TNFRSF10D: variants seen among roughly 807,000 people sequenced by gnomAD.
TNFRSF10D encodes the protein tumor necrosis factor receptor superfamily member 10D.
In TNFRSF10D, 28 loss-of-function variants were observed where a neutral mutation model predicts 42.1. The observed-to-expected ratio is 0.66, with a 90% confidence interval of 0.49 to 0.91. The LOEUF is 0.91. Among genes scored for constraint, TNFRSF10D ranks in the 40% least tolerant of loss-of-function variants. The probability of loss-of-function intolerance (pLI) is 0.00; values close to 1 mark genes in which losing one functional copy is unlikely to be tolerated. For missense variants in TNFRSF10D, 503 were observed against 486.1 expected (o/e 1.03, Z -0.33); for synonymous variants, 186 against 189.4 (o/e 0.98, Z 0.15).
intron 7 of TNFRSF10D, among the ~76,000 whole-genome samples, chr8:23,139,768 T>C (rs1814411476): frequency 6.6e-6 from 1 of 152,164 alleles, no homozygotes; most frequent in African/African-American, 2.4e-5. Context: ...ATTCTATACC[T>C]TGGAAACCCT....
At chr8:23,144,923 C>A in intron 6 of TNFRSF10D, 135 bp downstream of exon 6, 1 of 1,361,578 alleles carries the variant, frequency 7.3e-7, no homozygotes. Context: ...CCACAGTCAG[C>A]CCAGATCCCC....
rs540402415 is a variant in TNFRSF10D, at chr8:23,155,738, CAT to C, written c.151-761_151-760del. 5.9e-5 allele frequency among the ~76,000 whole-genome samples: 9 copies of C among 151,672 alleles called. No individual in the cohort carries two copies. The South Asian group carries it at 8.3e-4, about 14-fold the overall frequency. ...AAAAACAAAAAACAAAAAAACCACA[CAT>C]ATGAGCCCTTCAAGCAGAAATAGCA... is the stretch of plus-strand genomic sequence containing the variant. On this transcript the variant is annotated intron_variant, in intron 1 of 8. Transcript: ENST00000312584.
At chr8:23,141,437 G>C (rs764462054) in intron 7 of TNFRSF10D, among the ~76,000 whole-genome samples, 1 of 151,910 alleles carries the variant, frequency 6.6e-6, no homozygotes, top group South Asian at 2.1e-4. Context: ...CCCGGGAGGC[G>C]GAGGTTGCAG....
chr8:23,159,199 CT>C (rs1381561027), intron 1 of TNFRSF10D, among the ~76,000 whole-genome samples: 881 of 152,094 alleles, frequency 5.8e-3, no homozygotes, highest in African/African-American at 0.018. Context: ...CTCCTGGGCT[CT>C]AAGGATGCAC....
In TNFRSF10D at chr8:23,135,595, T is replaced by C. The variant is rs34941234; in HGVS notation, c.*2275A>G. ...ATAAACGAACACCACACCTTTTTAA[T>C]ATGAGGTTTCATATTTATTTTGGTC... On this transcript the variant is annotated 3_prime_UTR_variant, in exon 9 of 9. Transcript: ENST00000312584. 0.1 allele frequency: 19,546 copies of C among 189,462 alleles called. 1,228 individuals are homozygous for C. Among genetic ancestry groups the C allele is most frequent in the Admixed American group, 0.18 (2,997 of 17,026 alleles). The allele number at this position is 189,462 out of a possible 1,614,324, so 11.7% of individuals were successfully genotyped here. A position where few individuals can be genotyped will look rare whatever the true frequency, so the allele number is the denominator to read the frequency against.
At chr8:23,151,190 T>A (rs1161408415) in intron 2 of TNFRSF10D, among the ~76,000 whole-genome samples, 1 of 151,974 alleles carries the variant, frequency 6.6e-6, no homozygotes, top group African/African-American at 2.4e-5. Context: ...GGAACCCCTA[T>A]AAAACTACCA....
chr8:23,146,855 T>TCA (rs1018678551), intron 4 of TNFRSF10D, 106 bp downstream of exon 4: 2 of 966,574 alleles, frequency 2.1e-6, no homozygotes, highest in African/African-American at 3.4e-5. Flanking sequence ...CAGGGAGGCC[T>TCA]CGGGCCTGGA....
intron 1 of TNFRSF10D, among the ~76,000 whole-genome samples, chr8:23,161,045 G>A (rs1364226240): frequency 6.6e-6 from 1 of 152,266 alleles, no homozygotes; most frequent in African/African-American, 2.4e-5. Flanking sequence ...AGGAACAGGT[G>A]CAGCCTCTGC....
intron 8 of TNFRSF10D, 41 bp from the exon 9 acceptor site, chr8:23,138,044 G>A (rs766985097): frequency 6.2e-7 from 1 of 1,612,376 alleles, no homozygotes; most frequent in Non-Finnish European, 8.5e-7. Context: ...ATGCTCCAAG[G>A]ACGATCAGCA....
At position 23,143,095 on chromosome 8, in the gene TNFRSF10D, GCCTCCC is replaced by G. The variant is rs1347617683; in HGVS notation, c.954+1349_954+1354del. Among the ~76,000 whole-genome samples the G allele has an allele frequency of 9.7e-4, 147 of 152,106 alleles. 2 individuals carry two copies. The highest frequency in any genetic ancestry group is 4.1e-3 in the Admixed American group (62 of 15,278). ...GGGTTCACGCCATTCTCCTGCCTCA[GCCTCCC>G]GAGTAGCTGGGACTACAGGCACCCG... On this transcript the variant is annotated intron_variant, in intron 7 of 8. Transcript: ENST00000312584.
rs371912092 is a variant in TNFRSF10D, at chr8:23,145,941, G to A, written c.483-20C>T. The A allele has an allele frequency of 2.4e-5, 38 of 1,613,862 alleles. No individual in the cohort carries two copies. In the African/African-American group the frequency reaches 4.7e-4, roughly 20 times the overall value. ...GGACACCTGGGTACACACAGAGAGGGAGACAGGGACTCTTGATGGAAAGCT... is the reference window on the plus strand; with the variant it reads ...GGACACCTGGGTACACACAGAGAGGAAGACAGGGACTCTTGATGGAAAGCT... On this transcript the variant is annotated intron_variant, in intron 4 of 8. Coordinates refer to ENST00000312584, the MANE Select transcript of TNFRSF10D (RefSeq NM_003840.5).
chr8:23,150,100 C>T (rs1272442121), intron 2 of TNFRSF10D, among the ~76,000 whole-genome samples: 1 of 152,144 alleles, frequency 6.6e-6, no homozygotes, highest in African/African-American at 2.4e-5. Flanking sequence ...TTAGCTTGTG[C>T]CTTCGGGCTA....
intron 1 of TNFRSF10D, among the ~76,000 whole-genome samples, chr8:23,161,815 G>C (rs1800371481): frequency 6.6e-6 from 1 of 152,162 alleles, no homozygotes. Flanking sequence ...ATGGTCTTTT[G>C]GAAGAAAATT....
chr8:23,163,926 A>G lies in TNFRSF10D; in HGVS notation c.10T>C (p.Trp4Arg), dbSNP rs562406294. 20 of 1,575,972 alleles carry G rather than the reference A, an allele frequency of 1.3e-5. No homozygotes were observed. In the African/African-American group the frequency reaches 2.5e-4, roughly 20 times the overall value. Residue 4 changes from tryptophan (W) to arginine (R), a missense_variant, in exon 1 of 9, where the codon TGG (tryptophan) becomes CGG (arginine). Coordinates refer to ENST00000312584, the MANE Select transcript of TNFRSF10D (RefSeq NM_003840.5). Reference sequence around the variant, plus strand: ...GAGGCGGTCGGGACGCTTTGTCCCCAAAGTCCCATGAGAAGGGAGGAGGGT... The same window carrying G: ...GAGGCGGTCGGGACGCTTTGTCCCCGAAGTCCCATGAGAAGGGAGGAGGGT... MGL[W>R]GQSVPTASSA...
chr8:23,154,820 A>G lies in TNFRSF10D; in HGVS notation c.256+54T>C, dbSNP rs188784089. The G allele has an allele frequency of 1.9e-3, 2,853 of 1,526,316 alleles. 19 individuals carry two copies. The highest frequency in any genetic ancestry group is 7.7e-3 in the South Asian group (646 of 84,374). 94.5% of individuals were successfully genotyped at this position (1,526,316 alleles called of 1,614,324 possible). The stretch of plus-strand genomic sequence containing the variant: ...ATCATGGTGTACACCATGAATATAT[A>G]CAATGTTTATCTGTCAACTAAAAAT... On this transcript the variant is annotated intron_variant, in intron 2 of 8. Coordinates refer to ENST00000312584, the MANE Select transcript of TNFRSF10D (RefSeq NM_003840.5).
At chr8:23,150,020 A>G (rs1354387043) in intron 2 of TNFRSF10D, among the ~76,000 whole-genome samples, 1 of 152,254 alleles carries the variant, frequency 6.6e-6, no homozygotes, top group Non-Finnish European at 1.5e-5. Context: ...CAGAAAGTGC[A>G]GGAAACAGAA....
rs184659142 is a variant in TNFRSF10D at position 23,155,457 on chromosome 8, G to C, written c.151-478C>G. Among the ~76,000 whole-genome samples the C allele has an allele frequency of 2.5e-3, 381 of 151,048 alleles. 2 individuals carry two copies. The highest frequency in any genetic ancestry group is 8.9e-3 in the African/African-American group (361 of 40,592). On this transcript the variant is annotated intron_variant, in intron 1 of 8. Transcript: ENST00000312584. ...ACAAAAGGCCAGGCGCGGTGGCTCA[G>C]GCCTGTAATCACAGCACTTTGGGAG...
At chr8:23,149,762 C>G (rs1179051265) in intron 2 of TNFRSF10D, among the ~76,000 whole-genome samples, 854 of 151,960 alleles carry the variant, frequency 5.6e-3, no homozygotes, top group African/African-American at 0.017. Flanking sequence ...ACAACTATCC[C>G]TGTCCAGCTT....
intron 2 of TNFRSF10D, among the ~76,000 whole-genome samples, chr8:23,150,860 G>A (rs115437252): frequency 6.1e-3 from 923 of 151,072 alleles, no homozygotes; most frequent in African/African-American, 0.019. Flanking sequence ...CCAAGTCACA[G>A]GAAGAAAAAA....
Sources: allele counts gnomAD v4.1 joint callset (sites outside exome capture counted in the v4.1 genomes callset), GRCh38; gene constraint gnomAD v4.1.1; transcripts MANE v1.5; gene names NCBI Gene and HGNC (gene_info 2026-07-23, HGNC 2026-07-21).